The following TRIP12 variants were observed in gnomAD, a reference collection of about 807,000 sequenced individuals.
TRIP12 encodes the protein E3 ubiquitin-protein ligase TRIP12.
In TRIP12, 25 loss-of-function variants were observed where a neutral mutation model predicts 244.2. That is an observed-to-expected ratio of 0.10 (90% CI 0.07 to 0.14). The LOEUF (loss-of-function observed/expected upper bound fraction) is 0.14. Ranked by LOEUF, TRIP12 falls within the 10% of genes least tolerant of loss-of-function variation. The pLI is 1.00. For synonymous variants in TRIP12, 905 were observed against 873.1 expected (o/e 1.04, Z -0.64); for missense variants, 1,677 against 2,486.4 (o/e 0.67, Z 6.92).
At chr2:229,892,287 C>T (rs1194773892) in intron 1 of TRIP12, among the ~76,000 whole-genome samples, 1 of 151,962 alleles carries the variant, frequency 6.6e-6, no homozygotes, top group East Asian at 1.9e-4. Context: ...AGCTGAGACT[C>T]AAAGCATAAG....
chr2:229,882,883 AT>A, intron 1 of TRIP12, among the ~76,000 whole-genome samples: 1 of 152,192 alleles, frequency 6.6e-6, no homozygotes, highest in East Asian at 1.9e-4. Flanking sequence ...CCAACAGCCT[AT>A]TTGTCGATAA....
At position 229,892,123 on chromosome 2, in the gene TRIP12, G is replaced by C. The variant is rs1441791159; in HGVS notation, c.-49-11995C>G. On this transcript the variant is annotated intron_variant, in intron 1 of 41. Transcript: ENST00000675903. ...CAATGGAGCTCACCTCAATTGGAAAGAGAAAATAAACAAACTATATGCACA... is the reference window on the plus strand; with the variant it reads ...CAATGGAGCTCACCTCAATTGGAAACAGAAAATAAACAAACTATATGCACA... Among the ~76,000 whole-genome samples, 3 of 152,176 alleles carry C rather than the reference G, an allele frequency of 2.0e-5. No individual in the cohort carries two copies. The East Asian group carries it at 5.8e-4, about 29-fold the overall frequency.
At chr2:229,786,821 A>C (rs1477277260) in intron 33 of TRIP12, among the ~76,000 whole-genome samples, 1 of 152,070 alleles carries the variant, frequency 6.6e-6, no homozygotes, top group African/African-American at 2.4e-5. Flanking sequence ...TTTTATTACT[A>C]ATGTCTCTTA....
chr2:229,791,539 T>C (rs116831345), intron 29 of TRIP12, among the ~76,000 whole-genome samples: 1 of 152,322 alleles, frequency 6.6e-6, no homozygotes, highest in Non-Finnish European at 1.5e-5. Context: ...CAAATCCCTC[T>C]TAAGGACTCA....
intron 8 of TRIP12, among the ~76,000 whole-genome samples, chr2:229,826,296 CTA>C (rs2051567542): frequency 6.6e-6 from 1 of 152,096 alleles, no homozygotes; most frequent in Admixed American, 6.5e-5. Context: ...TAAGAACACA[CTA>C]TGACTTTTCA....
chr2:229,913,773 T>C (rs1396053804), intron 1 of TRIP12, among the ~76,000 whole-genome samples: 1 of 152,204 alleles, frequency 6.6e-6, no homozygotes, highest in African/African-American at 2.4e-5. Context: ...AGCCTTGTGC[T>C]AGACACTGTG....
intron 4 of TRIP12, among the ~76,000 whole-genome samples, chr2:229,843,609 T>C (rs1490583735): frequency 6.6e-6 from 1 of 152,184 alleles, no homozygotes; most frequent in Non-Finnish European, 1.5e-5. Flanking sequence ...CTGGATATAG[T>C]GGCTCATGCC....
Position 229,771,516 on chromosome 2 carries a change from C to A in TRIP12, c.5808+3G>T. The A allele has an allele frequency of 6.2e-7, 1 of 1,609,246 alleles. No homozygotes were observed. Among genetic ancestry groups the A allele is most frequent in the South Asian group, 1.1e-5 (1 of 90,902 alleles). ...CCATTTCTTTTAGATATAAGCTACT[C>A]ACTTCCTCCGGGTAGAAGTACTGAA... On this transcript the variant is annotated splice_donor_region_variant and intron_variant, in intron 39 of 41. Coordinates refer to ENST00000675903, the MANE Select transcript of TRIP12 (RefSeq NM_001348323.3).
intron 2 of TRIP12, among the ~76,000 whole-genome samples, chr2:229,876,826 G>A (rs1439321966): frequency 6.6e-6 from 1 of 152,074 alleles, no homozygotes; most frequent in African/African-American, 2.4e-5. Context: ...ACTGTGCGCA[G>A]CTAATTTATT....
intron 1 of TRIP12, chr2:229,900,787 G>A (rs553201428): frequency 1.3e-4 from 19 of 151,090 alleles, no homozygotes; most frequent in African/African-American, 1.7e-4. Context: ...GCTTGAACCC[G>A]GGAGGCAGAG....
chr2:229,820,048 G>C (rs995490987), intron 8 of TRIP12, among the ~76,000 whole-genome samples: 3 of 152,174 alleles, frequency 2.0e-5, no homozygotes, highest in Non-Finnish European at 4.4e-5. Flanking sequence ...ACCAATTTTA[G>C]TGACAGCAGG....
At chr2:229,773,163 C>T (rs1375520336) in intron 38 of TRIP12, among the ~76,000 whole-genome samples, 2 of 151,812 alleles carry the variant, frequency 1.3e-5, no homozygotes, top group Admixed American at 1.3e-4. Flanking sequence ...GGAACCTCCA[C>T]CTCCCTGGTT....
At chr2:229,914,488 G>A (rs1037754980) in intron 1 of TRIP12, among the ~76,000 whole-genome samples, 2 of 152,184 alleles carry the variant, frequency 1.3e-5, no homozygotes, top group African/African-American at 4.8e-5. Flanking sequence ...TGATCTCTAT[G>A]AACCTGCTCT....
chr2:229,817,295 AC>A (rs1276866048), intron 9 of TRIP12, among the ~76,000 whole-genome samples: 1 of 152,216 alleles, frequency 6.6e-6, no homozygotes, highest in African/African-American at 2.4e-5. Context: ...AATAAAACAT[AC>A]CACAAATGTA....
chr2:229,848,217 G>GA (rs1358911413), intron 4 of TRIP12, among the ~76,000 whole-genome samples: 4 of 152,010 alleles, frequency 2.6e-5, no homozygotes, highest in African/African-American at 9.7e-5. Flanking sequence ...TTTTGGTCTT[G>GA]AATTACACTT....
upstream of TRIP12, chr2:229,922,223 G>C (rs1026129114): frequency 3.1e-6 from 1 of 323,456 alleles, no homozygotes; most frequent in Non-Finnish European, 5.8e-6. Context: ...CCCTTCGAGG[G>C]ACCAGGAAGG....
At chr2:229,838,769 A>G (rs2055542119) in intron 5 of TRIP12, among the ~76,000 whole-genome samples, 1 of 152,260 alleles carries the variant, frequency 6.6e-6, no homozygotes, top group South Asian at 2.1e-4. Flanking sequence ...GTTGCTATGC[A>G]ACCTCAAAAG....
intron 5 of TRIP12, among the ~76,000 whole-genome samples, chr2:229,838,331 C>T (rs1559760167): frequency 6.6e-6 from 1 of 152,214 alleles, no homozygotes. Flanking sequence ...ACTTTGGATA[C>T]ATAGGGCTGC....
chr2:229,813,422 A>G (rs2047738842), intron 13 of TRIP12, among the ~76,000 whole-genome samples: 1 of 152,242 alleles, frequency 6.6e-6, no homozygotes. Flanking sequence ...CTGGATAAAA[A>G]TAAAAAATAT....
Sources: gnomAD v4.1 joint callset for allele counts (sites outside exome capture counted in the v4.1 genomes callset) on GRCh38, gnomAD v4.1.1 for gene constraint, MANE v1.5 for transcripts, NCBI Gene and HGNC (gene_info 2026-07-23, HGNC 2026-07-21) for gene names.